The following CDIN1 variants were observed in gnomAD, a reference collection of about 807,000 sequenced individuals.
The protein encoded by CDIN1 is CDAN1-interacting nuclease 1.
A neutral mutation model predicts 45.3 loss-of-function variants in CDIN1; 33 were observed. The ratio of observed to expected loss-of-function variants is 0.73; its 90% confidence interval spans 0.55 to 0.97. CDIN1 has a LOEUF of 0.97. CDIN1 is among the 50% of genes least tolerant of loss of function. The pLI, the probability that CDIN1 is intolerant of heterozygous loss-of-function variation, is 0.00. For missense variants in CDIN1, 303 were observed against 339.4 expected (o/e 0.89, Z 0.84); for synonymous variants, 118 against 124.4 (o/e 0.95, Z 0.34).
rs541778711 is a variant in CDIN1, at chr15:36,740,919, C to T, written c.716+30958C>T. ...AAAAAAAAAAATTATGTTTGCTCTC[C>T]TGCATTTCAATTTTTTTTTTATTTT... On this transcript the variant is annotated intron_variant, in intron 10 of 10. Transcript: ENST00000566621. Among the ~76,000 whole-genome samples, 56 of 152,134 alleles carry T rather than the reference C, an allele frequency of 3.7e-4. 1 individual carries two copies. The South Asian group carries it at 0.012, about 32-fold the overall frequency.
intron 5 of CDIN1, among the ~76,000 whole-genome samples, chr15:36,680,369 G>A (rs573261062): frequency 4.6e-5 from 7 of 152,106 alleles, no homozygotes; most frequent in East Asian, 1.9e-4. Context: ...AAGTAAATAA[G>A]TATTCCCCTG....
intron 8 of CDIN1, among the ~76,000 whole-genome samples, chr15:36,698,560 C>A (rs1267648448): frequency 6.6e-6 from 1 of 152,122 alleles, no homozygotes; most frequent in African/African-American, 2.4e-5. Flanking sequence ...AGTTCAGAAC[C>A]AGTTGGAATG....
intron 10 of CDIN1, among the ~76,000 whole-genome samples, chr15:36,800,841 A>ATGAT (rs1036810146): frequency 7.0e-6 from 1 of 142,692 alleles, no homozygotes; most frequent in African/African-American, 2.6e-5. Context: ...AAATATATAT[A>ATGAT]TGATTATGAT....
chr15:36,601,935 A>G (rs1207734471), intron 1 of CDIN1, among the ~76,000 whole-genome samples: 1 of 152,176 alleles, frequency 6.6e-6, no homozygotes, highest in East Asian at 1.9e-4. Flanking sequence ...CATACACCAA[A>G]ACACTCAGGG....
intron 10 of CDIN1, among the ~76,000 whole-genome samples, chr15:36,776,639 A>G (rs2141040594): frequency 6.6e-6 from 1 of 152,334 alleles, no homozygotes; most frequent in Middle Eastern, 3.4e-3. Flanking sequence ...TTGTTCAGTT[A>G]TGTAAACTCA....
rs527575847 is a variant in CDIN1, at chr15:36,613,388, T to G, written c.102-30890T>G. ...AAGATAAAAAAAGGATTCCTTGTCT[T>G]AAGAACTCAGTTTTGGAGAGGAGGC... On this transcript the variant is annotated intron_variant, in intron 1 of 10. Coordinates refer to ENST00000566621, the MANE Select transcript of CDIN1 (RefSeq NM_001321759.2). 2.1e-5 allele frequency: 21 copies of G among 1,002,412 alleles called. No homozygotes were observed. In the South Asian group the frequency reaches 2.8e-4, roughly 14 times the overall value. The allele number at this position is 1,002,412 out of a possible 1,614,324, so 62.1% of individuals were successfully genotyped here. A position where few individuals can be genotyped will look rare whatever the true frequency, so the allele number is the denominator to read the frequency against.
chr15:36,617,592 A>G, intron 1 of CDIN1: 2 of 778,670 alleles, frequency 2.6e-6, no homozygotes, highest in South Asian at 2.7e-5. Flanking sequence ...AGTTGACCAC[A>G]GACCCTGATG....
At chr15:36,783,741 T>G (rs894961914) in intron 10 of CDIN1, among the ~76,000 whole-genome samples, 15 of 152,138 alleles carry the variant, frequency 9.9e-5, no homozygotes, top group Admixed American at 3.3e-4. Context: ...TTTACCCCTC[T>G]ATTTGTTAGG....
intron 10 of CDIN1, among the ~76,000 whole-genome samples, chr15:36,753,619 TA>T (rs11350121): frequency 0.4 from 57,882 of 146,136 alleles, 12,209 homozygotes; most frequent in African/African-American, 0.58. Flanking sequence ...ACTTTTTTAT[TA>T]AAAAAAAAAA....
At chr15:36,645,633 A>G (rs533314755) in intron 3 of CDIN1, among the ~76,000 whole-genome samples, 1 of 152,228 alleles carries the variant, frequency 6.6e-6, no homozygotes, top group Non-Finnish European at 1.5e-5. Flanking sequence ...ATGCTCATAT[A>G]TACATATATC....
chr15:36,734,167 A>C (rs910341501), intron 10 of CDIN1, among the ~76,000 whole-genome samples: 2 of 152,098 alleles, frequency 1.3e-5, no homozygotes, highest in African/African-American at 4.8e-5. Context: ...ATGGTGATTC[A>C]ATCTCACCCG....
chr15:36,707,823 T>A (rs1038281413), intron 8 of CDIN1: 4 of 152,202 alleles, frequency 2.6e-5, no homozygotes, highest in African/African-American at 9.6e-5. Context: ...AACAGAAACT[T>A]GTCCAATCTT....
chr15:36,797,751 G>A (rs1055189103), intron 10 of CDIN1, among the ~76,000 whole-genome samples: 13 of 152,004 alleles, frequency 8.6e-5, no homozygotes, highest in South Asian at 6.2e-4. Flanking sequence ...GGGCCGAGGC[G>A]GGCAGATCAC....
chr15:36,744,642 G>C (rs946559090), intron 10 of CDIN1, among the ~76,000 whole-genome samples: 2 of 152,048 alleles, frequency 1.3e-5, no homozygotes, highest in Non-Finnish European at 1.5e-5. Flanking sequence ...ACATGATTAG[G>C]GAAGGTTTTT....
At chr15:36,790,444 A>C (rs959505004) in intron 10 of CDIN1, 1 of 152,202 alleles carries the variant, frequency 6.6e-6, no homozygotes, top group African/African-American at 2.4e-5. Context: ...TAAAGGTACA[A>C]GTTTTGTTGT....
chr15:36,762,268 C>T (rs1435251505), intron 10 of CDIN1, among the ~76,000 whole-genome samples: 1 of 152,140 alleles, frequency 6.6e-6, no homozygotes, highest in Non-Finnish European at 1.5e-5. Context: ...TTTTGTTACA[C>T]GCAGGCACTT....
chr15:36,678,066 T>A (rs2041714412), intron 5 of CDIN1, among the ~76,000 whole-genome samples: 2 of 152,228 alleles, frequency 1.3e-5, no homozygotes, highest in Admixed American at 1.3e-4. Flanking sequence ...CTTACATGAT[T>A]ATGTGCTAGT....
intron 10 of CDIN1, among the ~76,000 whole-genome samples, chr15:36,771,711 C>T (rs1247234205): frequency 6.6e-6 from 1 of 152,142 alleles, no homozygotes; most frequent in South Asian, 2.1e-4. Context: ...AGGCAAATCA[C>T]GAGATCAGGA....
At chr15:36,740,614 C>T (rs1595542134) in intron 10 of CDIN1, among the ~76,000 whole-genome samples, 2 of 152,050 alleles carry the variant, frequency 1.3e-5, no homozygotes, top group South Asian at 2.1e-4. Flanking sequence ...ATGGGCTGGG[C>T]GCAGTGGCTC....
Sources: allele counts gnomAD v4.1 joint callset (sites outside exome capture counted in the v4.1 genomes callset), GRCh38; gene constraint gnomAD v4.1.1; transcripts MANE v1.5; gene names NCBI Gene and HGNC (gene_info 2026-07-23, HGNC 2026-07-21).